Variants in CHRM2 observed in about 807,000 individuals in gnomAD.
CHRM2 encodes the protein cholinergic receptor muscarinic 2, also known as muscarinic acetylcholine receptor M2.
A neutral mutation model predicts 25.0 loss-of-function variants in CHRM2; 8 were observed. That is an observed-to-expected ratio of 0.32 (90% CI 0.19 to 0.58). The LOEUF is 0.58. Ranked by LOEUF, CHRM2 falls within the 20% of genes least tolerant of loss-of-function variation. CHRM2 has a pLI of 0.88. For synonymous variants in CHRM2, 202 were observed against 205.7 expected, an observed-to-expected ratio of 0.98 and a Z score of 0.15; for missense variants, 440 against 567.1, an observed-to-expected ratio of 0.78 and a Z score of 2.28.
chr7:136,987,082 A>T lies in CHRM2; in HGVS notation c.-124-5105A>T, dbSNP rs573973782. ...AGAAAATGCAACTCTAATGTCCTCAACAGTTTCTTACTGCCTCCAGGTATC... is the reference window on the plus strand; with the variant it reads ...AGAAAATGCAACTCTAATGTCCTCATCAGTTTCTTACTGCCTCCAGGTATC... On this transcript the variant is annotated intron_variant, in intron 2 of 3. Transcript: ENST00000680005. Among the ~76,000 whole-genome samples, 8 of 152,178 alleles carry T rather than the reference A, an allele frequency of 5.3e-5. No individual in the cohort carries two copies. In the East Asian group the frequency reaches 1.4e-3, roughly 26 times the overall value.
intron 3 of CHRM2, among the ~76,000 whole-genome samples, chr7:136,995,392 T>C (rs917566170): frequency 1.3e-5 from 2 of 152,142 alleles, no homozygotes; most frequent in African/African-American, 4.8e-5. Context: ...AGAAAAAACT[T>C]GAATAAGTAA....
intron 2 of CHRM2, among the ~76,000 whole-genome samples, chr7:136,882,104 C>G (rs1319433945): frequency 6.6e-6 from 1 of 151,994 alleles, no homozygotes; most frequent in Non-Finnish European, 1.5e-5. Flanking sequence ...GGTGTTTTCT[C>G]TATCCTCTGC....
chr7:136,970,091 C>T (rs997287361), intron 2 of CHRM2, among the ~76,000 whole-genome samples: 4 of 152,124 alleles, frequency 2.6e-5, no homozygotes, highest in South Asian at 2.1e-4. Flanking sequence ...TCATCTAACC[C>T]TAATTACATT....
Position 137,018,548 on chromosome 7 carries a change from T to G in CHRM2, c.*2282T>G, listed in dbSNP as rs557261757. On this transcript the variant is annotated 3_prime_UTR_variant, in exon 4 of 4. Transcript: ENST00000680005. ...CCCTTTTTAATGTATTGTATTATTA[T>G]TATGTAGATTTGGCTTCAGTTGGGA... 6.6e-6 allele frequency: 1 copy of G among 152,064 alleles called. No individual in the cohort carries two copies. Among genetic ancestry groups the G allele is most frequent in the East Asian group, 1.9e-4 (1 of 5,134 alleles). The allele number at this position is 152,064 out of a possible 1,614,324, so 9.4% of individuals were successfully genotyped here.
chr7:136,945,029 T>G (rs182236819), intron 2 of CHRM2, among the ~76,000 whole-genome samples: 1 of 152,154 alleles, frequency 6.6e-6, no homozygotes, highest in South Asian at 2.1e-4. Flanking sequence ...CATATGTTCG[T>G]TGGCCATTTG....
rs914663084 is a variant in CHRM2 at position 136,957,236 on chromosome 7, A to G, written c.-124-34951A>G. 1.4e-4 allele frequency among the ~76,000 whole-genome samples: 21 copies of G among 149,824 alleles called. 1 individual carries two copies. The highest frequency in any genetic ancestry group is 1.5e-5 in the Non-Finnish European group (1 of 67,592). On this transcript the variant is annotated intron_variant, in intron 2 of 3. Coordinates refer to ENST00000680005, the MANE Select transcript of CHRM2 (RefSeq NM_001006630.2). ...GGGGGCAGCCCACTCCTATCAACAT[A>G]ACAGGTGTCATAGTGTATATGTGTG...
rs57962090 is a variant in CHRM2, at chr7:136,968,721, A to AATATATATAT, written c.-124-23452_-124-23443dup. ...TTATTATATATATTGTATTATCATA[A>AATATATATAT]ATATATATATATATATATATATACA... is the stretch of plus-strand genomic sequence containing the variant. On this transcript the variant is annotated intron_variant, in intron 2 of 3. Coordinates refer to ENST00000680005, the MANE Select transcript of CHRM2 (RefSeq NM_001006630.2). Among the ~76,000 whole-genome samples, 527 of 142,448 alleles carry AATATATATAT rather than the reference A, an allele frequency of 3.7e-3. 3 individuals carry two copies. Among genetic ancestry groups the AATATATATAT allele is most frequent in the Middle Eastern group, 7.4e-3 (2 of 272 alleles). The allele number at this position is 142,448 out of a possible 152,430, so 93.5% of individuals were successfully genotyped here. A position where few individuals can be genotyped will look rare whatever the true frequency, so the allele number is the denominator to read the frequency against.
chr7:137,005,403 T>C (rs186421307), intron 3 of CHRM2, among the ~76,000 whole-genome samples: 21 of 152,284 alleles, frequency 1.4e-4, no homozygotes, highest in Non-Finnish European at 2.1e-4. Flanking sequence ...TAAGATATGC[T>C]ATCTGAATAT....
intron 3 of CHRM2, among the ~76,000 whole-genome samples, chr7:136,996,633 T>C (rs1803621517): frequency 6.6e-6 from 1 of 152,148 alleles, no homozygotes; most frequent in Non-Finnish European, 1.5e-5. Context: ...TGCTACACTA[T>C]TATATGCTAG....
At chr7:136,982,355 T>A (rs1056161368) in intron 2 of CHRM2, among the ~76,000 whole-genome samples, 5 of 152,168 alleles carry the variant, frequency 3.3e-5, no homozygotes, top group Non-Finnish European at 7.3e-5. Flanking sequence ...ATGAGATGGG[T>A]CTCCTGAATA....
intron 2 of CHRM2, among the ~76,000 whole-genome samples, chr7:136,887,145 A>C (rs952016701): frequency 1.3e-5 from 2 of 152,242 alleles, no homozygotes; most frequent in African/African-American, 2.4e-5. Flanking sequence ...GTGAGACTGC[A>C]TAACTCTGTG....
intron 2 of CHRM2, among the ~76,000 whole-genome samples, chr7:136,882,485 A>C (rs894194848): frequency 6.7e-6 from 1 of 149,558 alleles, no homozygotes; most frequent in African/African-American, 2.5e-5. Flanking sequence ...GCCTGCCTCT[A>C]TTCTTGGCAC....
At chr7:136,922,888 T>C (rs1026703795) in intron 2 of CHRM2, among the ~76,000 whole-genome samples, 8 of 152,186 alleles carry the variant, frequency 5.3e-5, no homozygotes, top group Non-Finnish European at 8.8e-5. Context: ...GAAAATACAC[T>C]TTACAAAGGG....
At position 137,015,599 on chromosome 7, in the gene CHRM2, A is replaced by G. The variant is rs1805121569; in HGVS notation, c.734A>G (p.Asn245Ser). The G allele has an allele frequency of 1.2e-6, 2 of 1,613,020 alleles. No homozygotes were observed. Among genetic ancestry groups the G allele is most frequent in the Non-Finnish European group, 1.7e-6 (2 of 1,179,566 alleles). The change falls in exon 4 of 4, where the codon AAT (asparagine) becomes AGT (serine). Residue 245 changes from asparagine (N) to serine (S), a missense_variant. By Grantham distance (46) the Asn-to-Ser change is conservative. Coordinates refer to ENST00000680005, the MANE Select transcript of CHRM2 (RefSeq NM_001006630.2). This position sits in a 1 kb window ranked among gnomAD's most constrained non-coding sequence, Gnocchi z 5.1. ...LVQGRIVKPN[N>S]NNMPSSDDGL... ...CAAGGAAGGATAGTGAAGCCAAACA[A>G]TAACAACATGCCCAGCAGTGACGAT...
chr7:136,916,960 A>T (rs1257747002), intron 2 of CHRM2, among the ~76,000 whole-genome samples: 1 of 151,720 alleles, frequency 6.6e-6, no homozygotes. Flanking sequence ...AATTCTGTGT[A>T]TATATTTTTA....
At chr7:136,872,529 T>C (rs13222744) in intron 2 of CHRM2, among the ~76,000 whole-genome samples, 20,045 of 152,228 alleles carry the variant, frequency 0.13, 1,481 homozygotes, top group Non-Finnish European at 0.17. Context: ...AGATGTGTCT[T>C]TACTGGACAA....
At chr7:136,969,889 C>T (rs78398629) in intron 2 of CHRM2, among the ~76,000 whole-genome samples, 2,795 of 152,250 alleles carry the variant, frequency 0.018, 75 homozygotes, top group African/African-American at 0.064. Context: ...GTTTCAATAA[C>T]ATATATTTAC....
chr7:136,999,016 C>T (rs928283886), intron 3 of CHRM2, among the ~76,000 whole-genome samples: 2 of 152,158 alleles, frequency 1.3e-5, no homozygotes, highest in Admixed American at 6.5e-5. Context: ...CACTTAGATA[C>T]ATTGATAATT....
chr7:137,015,957 G>A lies in CHRM2; in HGVS notation c.1092G>A (p.Lys364=), dbSNP rs548996412. ...AAAAGCAGAATATTGTAGCCCGCAA[G>A]ATTGTGAAGATGACTAAGCAGCCTG... ...GDEKQNIVAR[K]IVKMTKQPAK... is the part of the protein sequence containing the mutation. Residue 364 remains lysine, a synonymous_variant, in exon 4 of 4, where the codon AAG becomes AAA. Transcript: ENST00000680005. The surrounding 1 kb of genome is among the most constrained non-coding windows in gnomAD (Gnocchi z 5.1). 1 of 1,613,028 alleles carries A rather than the reference G, an allele frequency of 6.2e-7. No individual in the cohort carries two copies. Among genetic ancestry groups the A allele is most frequent in the South Asian group, 1.1e-5 (1 of 91,066 alleles).
Sources: gnomAD v4.1 joint callset for allele counts (sites outside exome capture counted in the v4.1 genomes callset) on GRCh38, gnomAD v4.1.1 for gene constraint, Gnocchi (gnomAD v3.1) non-coding constraint, MANE v1.5 for transcripts, NCBI Gene and HGNC (gene_info 2026-07-23, HGNC 2026-07-21) for gene names.